Variants in NOSIP observed in about 807,000 individuals in gnomAD.
The protein encoded by NOSIP is nitric oxide synthase interacting protein, also known as nitric oxide synthase-interacting protein.
In NOSIP, 25 loss-of-function variants were observed where a neutral mutation model predicts 36.4. That is an observed-to-expected ratio of 0.69 (90% CI 0.50 to 0.96). NOSIP has a LOEUF of 0.96. Among genes scored for constraint, NOSIP ranks in the 40% least tolerant of loss-of-function variants. NOSIP has a pLI of 0.00. For missense variants in NOSIP, 370 were observed against 429.0 expected (o/e 0.86, Z 1.21); for synonymous variants, 187 against 179.2 (o/e 1.04, Z -0.35).
Position 49,556,742 on chromosome 19 carries a change from A to G in NOSIP, c.538-6T>C, listed in dbSNP as rs1323948952. 2 of 1,603,696 alleles carry G rather than the reference A, an allele frequency of 1.2e-6. No homozygotes were observed. The highest frequency in any genetic ancestry group is 1.7e-6 in the Non-Finnish European group (2 of 1,173,470). On this transcript the variant is annotated splice_polypyrimidine_tract_variant and splice_region_variant and intron_variant, in intron 6 of 8. Transcript: ENST00000596358. Reference sequence around the variant, plus strand: ...GGGCAGGTCACCGTGCGGGACTGCAAGGGGCAGAGAGAGGCGGGCTCAGTA... The same window carrying G: ...GGGCAGGTCACCGTGCGGGACTGCAGGGGGCAGAGAGAGGCGGGCTCAGTA...
In NOSIP at chr19:49,555,640, T is replaced by A; in HGVS notation, c.*111A>T. ...TCCAGCGTGCGCTGTAGGAGCACTG[T>A]TTGCACGGCCCTGCATCCTCGCCTG... On this transcript the variant is annotated 3_prime_UTR_variant, in exon 9 of 9. Coordinates refer to ENST00000596358, the MANE Select transcript of NOSIP (RefSeq NM_001270960.2). 1 of 836,940 alleles carries A rather than the reference T, an allele frequency of 1.2e-6. No individual in the cohort carries two copies. 51.8% of individuals were successfully genotyped at this position (836,940 alleles called of 1,614,324 possible).
At chr19:49,566,343 T>C (rs1037968206) in intron 1 of NOSIP, among the ~76,000 whole-genome samples, 5 of 152,146 alleles carry the variant, frequency 3.3e-5, no homozygotes, top group African/African-American at 7.2e-5. Context: ...AGGGTCTCAC[T>C]CTGTCATCTA....
chr19:49,571,700 A>C (rs967568908), intron 1 of NOSIP, among the ~76,000 whole-genome samples: 2 of 152,088 alleles, frequency 1.3e-5, no homozygotes, highest in African/African-American at 4.8e-5. Flanking sequence ...AAAAAAGGCC[A>C]ATCAGGCTGG....
At chr19:49,555,962 G>T (rs1029238196) in intron 8 of NOSIP, 140 bp from the exon 9 acceptor site, 4 of 638,788 alleles carry the variant, frequency 6.3e-6, no homozygotes, top group Non-Finnish European at 1.1e-5. Context: ...GAGGGGGCGA[G>T]GCGACCGCAG....
chr19:49,563,517 G>A (rs1027418410), intron 1 of NOSIP, among the ~76,000 whole-genome samples: 1 of 144,274 alleles, frequency 6.9e-6, no homozygotes, highest in Admixed American at 7.1e-5. Context: ...TTTTGAGATC[G>A]AGTTTTGCTC....
intron 4 of NOSIP, 137 bp from the exon 5 acceptor site, chr19:49,557,386 C>T (rs948887218): frequency 2.8e-6 from 4 of 1,445,396 alleles, no homozygotes; most frequent in Non-Finnish European, 3.6e-6. Flanking sequence ...TGGTAACTGC[C>T]ACCCTGGGTG....
chr19:49,578,891 G>A (rs964652903), intron 1 of NOSIP, among the ~76,000 whole-genome samples: 4 of 150,418 alleles, frequency 2.7e-5, no homozygotes, highest in Non-Finnish European at 5.9e-5. Flanking sequence ...CCAAAGTGCT[G>A]GGATTACAGG....
At chr19:49,559,210 G>C (rs550600095) in intron 3 of NOSIP, 14 of 512,902 alleles carry the variant, frequency 2.7e-5, no homozygotes, top group African/African-American at 2.7e-4. Context: ...ATCTAGTAGA[G>C]ACTAGATTTG....
intron 1 of NOSIP, chr19:49,566,790 C>CATACATATATAT (rs2080413870): frequency 8.5e-6 from 1 of 117,702 alleles, no homozygotes; most frequent in African/African-American, 4.3e-5. Context: ...AATACATATA[C>CATACATATATAT]ATACATATAT....
Position 49,566,051 on chromosome 19 carries a change from G to A in NOSIP, c.-1-5359C>T, listed in dbSNP as rs1021242690. 7.5e-5 allele frequency among the ~76,000 whole-genome samples: 11 copies of A among 147,388 alleles called. 2 individuals carry two copies. The South Asian group carries it at 1.7e-3, about 23-fold the overall frequency. On this transcript the variant is annotated intron_variant, in intron 1 of 8. Transcript: ENST00000596358. Reference sequence around the variant, plus strand: ...TCTTTTTTTTTTTTGAGACAGTCTCGCTCTGTCGTCCAGGCTGGAGTGCAG... The same window carrying A: ...TCTTTTTTTTTTTTGAGACAGTCTCACTCTGTCGTCCAGGCTGGAGTGCAG...
At chr19:49,558,771 G>T in intron 4 of NOSIP, 126 bp downstream of exon 4, 1 of 799,558 alleles carries the variant, frequency 1.3e-6, no homozygotes, top group Non-Finnish European at 2.1e-6. Context: ...TTGGCCGGAA[G>T]CAGGGGAGGG....
At chr19:49,561,152 G>A (rs886279441) in intron 1 of NOSIP, among the ~76,000 whole-genome samples, 7 of 152,194 alleles carry the variant, frequency 4.6e-5, no homozygotes, top group Admixed American at 1.3e-4. Context: ...TCAAGGCTGG[G>A]CACTTAGCTA....
chr19:49,567,447 T>C (rs1195585170), intron 1 of NOSIP, among the ~76,000 whole-genome samples: 2 of 152,034 alleles, frequency 1.3e-5, no homozygotes, highest in African/African-American at 2.4e-5. Flanking sequence ...TAGAATTTAC[T>C]AGTTGCTCTC....
chr19:49,576,066 T>C (rs1599766811), intron 1 of NOSIP, among the ~76,000 whole-genome samples: 1 of 151,448 alleles, frequency 6.6e-6, no homozygotes, highest in South Asian at 2.1e-4. Context: ...ACCCGGGAGG[T>C]GGAGCTTGCA....
chr19:49,569,962 A>G (rs1173006414), intron 1 of NOSIP, among the ~76,000 whole-genome samples: 4 of 151,826 alleles, frequency 2.6e-5, no homozygotes, highest in African/African-American at 9.7e-5. Context: ...AAATACAAAA[A>G]TGAGCCAGTC....
chr19:49,559,747 T>G, intron 3 of NOSIP, 187 bp downstream of exon 3: 1 of 616,470 alleles, frequency 1.6e-6, no homozygotes. Context: ...TTTCCATATG[T>G]TCCACACTAT....
intron 3 of NOSIP, 50 bp from the exon 4 acceptor site, chr19:49,559,028 C>T (rs763728144): frequency 2.1e-5 from 31 of 1,483,100 alleles, no homozygotes; most frequent in Admixed American, 3.3e-5. Context: ...CCTCCCGCCT[C>T]GGCCTCCCGA....
chr19:49,560,798 G>A lies in NOSIP; in HGVS notation c.-1-106C>T, dbSNP rs1397242035. ...GATCTGCCCCCCTTGATGGGAAAGC[G>A]GAGGCGGAGAAGGGGGGTGAGGTGG... On this transcript the variant is annotated intron_variant, in intron 1 of 8. Coordinates refer to ENST00000596358, the MANE Select transcript of NOSIP (RefSeq NM_001270960.2). This position sits in a 1 kb window ranked among gnomAD's most constrained non-coding sequence, Gnocchi z 4.6. 2.6e-5 allele frequency: 23 copies of A among 877,230 alleles called. No homozygotes were observed. Among genetic ancestry groups the A allele is most frequent in the Admixed American group, 1.9e-4 (9 of 48,544 alleles). 54.3% of individuals were successfully genotyped at this position (877,230 alleles called of 1,614,324 possible). A position where few individuals can be genotyped will look rare whatever the true frequency, so the allele number is the denominator to read the frequency against.
At chr19:49,572,406 CTTTTTTTTTTT>C (rs35209614) in intron 1 of NOSIP, among the ~76,000 whole-genome samples, 2 of 97,934 alleles carry the variant, frequency 2.0e-5, no homozygotes, top group Non-Finnish European at 3.9e-5. Flanking sequence ...TGCACCCAGC[CTTTTTTTTTTT>C]TTTTTTTTTT....
Sources: allele counts gnomAD v4.1 joint callset (sites outside exome capture counted in the v4.1 genomes callset), GRCh38; gene constraint gnomAD v4.1.1; non-coding constraint Gnocchi (gnomAD v3.1); transcripts MANE v1.5; gene names NCBI Gene and HGNC (gene_info 2026-07-23, HGNC 2026-07-21).